Variants in NUP93 observed in about 807,000 individuals in gnomAD.
The protein encoded by NUP93 is nuclear pore complex protein Nup93.
A neutral mutation model predicts 107.8 loss-of-function variants in NUP93; 55 were observed. The observed-to-expected ratio is 0.51, with a 90% CI of 0.41 to 0.64. The LOEUF (loss-of-function observed/expected upper bound fraction) is 0.64. Ranked by LOEUF, NUP93 falls within the 30% of genes least tolerant of loss-of-function variation. The pLI, the probability that NUP93 is intolerant of heterozygous loss-of-function variation, is 0.00. For missense variants in NUP93, 937 were observed against 1,044.7 expected, an observed-to-expected ratio of 0.90 and a Z score of 1.42; for synonymous variants, 390 against 397.5, an observed-to-expected ratio of 0.98 and a Z score of 0.22.
intron 1 of NUP93, among the ~76,000 whole-genome samples, chr16:56,737,724 G>A (rs1183269926): frequency 1.3e-5 from 2 of 151,680 alleles, no homozygotes. Flanking sequence ...CCATTGCTGT[G>A]TGTGGTATAC....
rs776231499 is a variant in NUP93, at chr16:56,837,685, C to T, written c.1977C>T (p.Asn659=). 1.2e-6 allele frequency: 2 copies of T among 1,614,154 alleles called. No homozygotes were observed. Among genetic ancestry groups the T allele is most frequent in the Non-Finnish European group, 1.7e-6 (2 of 1,180,000 alleles). Residue 659 remains asparagine, a synonymous_variant, in exon 18 of 22, where the codon AAC becomes AAT. Transcript: ENST00000308159. ...VVPQISAPQS[N]KERLKNMALS... is the part of the protein sequence containing the mutation. ...CCCAGATCAGTGCCCCGCAATCCAA[C>T]AAGGAGAGGCTGAAGAACATGGCAC...
At chr16:56,770,632 A>G (rs1962302492) in intron 3 of NUP93, among the ~76,000 whole-genome samples, 1 of 152,208 alleles carries the variant, frequency 6.6e-6, no homozygotes, top group Admixed American at 6.5e-5. Flanking sequence ...TAGAACAGAT[A>G]CCATTTGGGG....
intron 12 of NUP93, among the ~76,000 whole-genome samples, chr16:56,832,738 C>T (rs1262228635): frequency 6.7e-6 from 1 of 149,912 alleles, no homozygotes. Flanking sequence ...GAGAAACAGC[C>T]TTTCTTCTTT....
At chr16:56,748,759 G>A (rs190779755) in intron 2 of NUP93, among the ~76,000 whole-genome samples, 7 of 152,192 alleles carry the variant, frequency 4.6e-5, no homozygotes, top group African/African-American at 1.7e-4. Flanking sequence ...AATGGCTCCC[G>A]TTATGTTAAT....
rs538747482 is a variant in NUP93, at chr16:56,816,939, G to A, written c.490-1725G>A. Among the ~76,000 whole-genome samples, 13 of 152,178 alleles carry A rather than the reference G, an allele frequency of 8.5e-5. No homozygotes were observed. In the East Asian group the frequency reaches 2.3e-3, roughly 27 times the overall value. On this transcript the variant is annotated intron_variant, in intron 5 of 21. Coordinates refer to ENST00000308159, the MANE Select transcript of NUP93 (RefSeq NM_014669.5). Reference sequence around the variant, plus strand: ...ACTATTGGGTACATTTATTCGGTTGGTGCAAAAGTGATTGCCGTTGAAAGT... The same window carrying A: ...ACTATTGGGTACATTTATTCGGTTGATGCAAAAGTGATTGCCGTTGAAAGT...
chr16:56,841,207 G>A (rs1964018149), intron 20 of NUP93, among the ~76,000 whole-genome samples: 1 of 152,128 alleles, frequency 6.6e-6, no homozygotes, highest in Non-Finnish European at 1.5e-5. Context: ...TTGCATCAGG[G>A]ATTAAAGTGG....
Position 56,818,692 on chromosome 16 carries a change from C to T in NUP93, c.518C>T (p.Pro173Leu), listed in dbSNP as rs1963484617. The change falls in exon 6 of 22, where the codon CCT (proline) becomes CTT (leucine). Residue 173 changes from proline (P) to leucine (L), a missense_variant. Transcript: ENST00000308159. ...EPSYISDVGP[P>L]GRSSLDNIEM... is the part of the protein sequence containing the mutation. ...AGCTACATCAGTGATGTGGGACCCC[C>T]TGGTCGAAGCTCTCTGGATAACATC... 6.2e-7 allele frequency: 1 copy of T among 1,614,156 alleles called. No homozygotes were observed. Among genetic ancestry groups the T allele is most frequent in the South Asian group, 1.1e-5 (1 of 91,074 alleles).
At chr16:56,821,263 C>T (rs1160665279) in intron 6 of NUP93, among the ~76,000 whole-genome samples, 1 of 152,158 alleles carries the variant, frequency 6.6e-6, no homozygotes, top group East Asian at 1.9e-4. Flanking sequence ...GCCTGTGGTT[C>T]TTCTCCCCCT....
chr16:56,743,529 T>C (rs1348943688), intron 1 of NUP93, among the ~76,000 whole-genome samples: 2 of 152,138 alleles, frequency 1.3e-5, no homozygotes, highest in Non-Finnish European at 2.9e-5. Context: ...ATTTTTAGCA[T>C]AGTGGGGTAT....
Position 56,821,647 on chromosome 16 carries a change from C to T in NUP93, c.654+54C>T, listed in dbSNP as rs569168231. 4.0e-4 allele frequency: 470 copies of T among 1,179,838 alleles called. 4 individuals carry two copies. The South Asian group carries it at 5.5e-3, about 14-fold the overall frequency. 73.1% of individuals were successfully genotyped at this position (1,179,838 alleles called of 1,614,324 possible). A position where few individuals can be genotyped will look rare whatever the true frequency, so the allele number is the denominator to read the frequency against. On this transcript the variant is annotated intron_variant, in intron 7 of 21. Coordinates refer to ENST00000308159, the MANE Select transcript of NUP93 (RefSeq NM_014669.5). ...ACCGGGGTCCAGTGTTCCGATGGGC[C>T]TAGCAACTTGCCGATTTGGTTGAAA...
chr16:56,767,835 G>A (rs1962241875), intron 3 of NUP93, among the ~76,000 whole-genome samples: 7 of 152,152 alleles, frequency 4.6e-5, no homozygotes, highest in Admixed American at 6.5e-5. Context: ...TCTGTAATGA[G>A]GTCCTAAACT....
At chr16:56,732,501 C>G (rs1225645266) in intron 1 of NUP93, among the ~76,000 whole-genome samples, 8 of 152,176 alleles carry the variant, frequency 5.3e-5, no homozygotes, top group African/African-American at 1.7e-4. Flanking sequence ...GAATAGAGAC[C>G]TGCTTGAAAT....
intron 3 of NUP93, among the ~76,000 whole-genome samples, chr16:56,777,249 G>T (rs1039372006): frequency 6.6e-6 from 1 of 152,142 alleles, no homozygotes; most frequent in Admixed American, 6.5e-5. Flanking sequence ...ATTTAAAATG[G>T]AAATCTTACT....
chr16:56,764,031 G>GATA (rs1458204990), intron 3 of NUP93, among the ~76,000 whole-genome samples: 1 of 152,118 alleles, frequency 6.6e-6, no homozygotes, highest in African/African-American at 2.4e-5. Context: ...CTAAAGGTGT[G>GATA]ATAATAATTG....
chr16:56,826,235 G>A (rs1352897843), intron 8 of NUP93, among the ~76,000 whole-genome samples: 1 of 152,136 alleles, frequency 6.6e-6, no homozygotes, highest in African/African-American at 2.4e-5. Context: ...TTCCAGGCCG[G>A]GCGCAGTGGC....
Position 56,805,580 on chromosome 16 carries a change from A to G in NUP93, c.437A>G (p.His146Arg). Residue 146 changes from histidine to arginine, a missense_variant, in exon 5 of 22, where the codon CAC becomes CGC. By Grantham distance (29) the His-to-Arg change is conservative. Transcript: ENST00000308159. ...GAGCAAGTGAAACAGCGAATTCTGC[A>G]CACACTGCTGGCATCAGGAGAAGAC... Reference protein sequence around the residue: ...EWEQVKQRILHTLLASGEDAL... With the variant: ...EWEQVKQRILRTLLASGEDAL... 6.2e-7 allele frequency: 1 copy of G among 1,614,160 alleles called. No individual in the cohort carries two copies. The highest frequency in any genetic ancestry group is 8.5e-7 in the Non-Finnish European group (1 of 1,180,008).
At chr16:56,730,775 G>A (rs1199788357) in intron 1 of NUP93, among the ~76,000 whole-genome samples, 3 of 152,172 alleles carry the variant, frequency 2.0e-5, no homozygotes, top group Admixed American at 2.0e-4. Context: ...ACTCCATCCC[G>A]TTCCCTGCAG....
chr16:56,731,190 C>A (rs1307442780), intron 1 of NUP93, among the ~76,000 whole-genome samples: 2 of 152,062 alleles, frequency 1.3e-5, no homozygotes, highest in Non-Finnish European at 2.9e-5. Context: ...TCACCCCTGA[C>A]TTTTATCCAG....
chr16:56,798,958 T>G (rs1046810928), intron 4 of NUP93, among the ~76,000 whole-genome samples: 2 of 152,058 alleles, frequency 1.3e-5, no homozygotes, highest in Admixed American at 1.3e-4. Flanking sequence ...CTATGCCCAG[T>G]TCTCTCCTAC....
Sources: allele counts gnomAD v4.1 joint callset (sites outside exome capture counted in the v4.1 genomes callset), GRCh38; gene constraint gnomAD v4.1.1; transcripts MANE v1.5; gene names NCBI Gene and HGNC (gene_info 2026-07-23, HGNC 2026-07-21).